Variants in SGPL1 observed in about 807,000 individuals in gnomAD.
SGPL1 encodes the protein SP-lyase 1.
In SGPL1, 37 loss-of-function variants were observed where a neutral mutation model predicts 68.9. That is an observed-to-expected ratio of 0.54 (90% CI 0.41 to 0.71). The LOEUF (loss-of-function observed/expected upper bound fraction) is 0.71. Ranked by LOEUF, SGPL1 falls within the 30% of genes least tolerant of loss-of-function variation. The pLI, the probability that SGPL1 is intolerant of heterozygous loss-of-function variation, is 0.00. For missense variants in SGPL1, 551 were observed against 704.6 expected, an observed-to-expected ratio of 0.78 and a Z score of 2.47; for synonymous variants, 236 against 248.5, an observed-to-expected ratio of 0.95 and a Z score of 0.47.
In SGPL1 at chr10:70,854,858, A is replaced by G. The variant is rs1406734286; in HGVS notation, c.409+3A>G. The G allele has an allele frequency of 4.4e-6, 7 of 1,596,618 alleles. No individual in the cohort carries two copies. Among genetic ancestry groups the G allele is most frequent in the Non-Finnish European group, 6.0e-6 (7 of 1,173,848 alleles). On this transcript the variant is annotated splice_donor_region_variant and intron_variant, in intron 5 of 14. Transcript: ENST00000373202. ...ACTTAAGGAGTACAGCTCTATGGGTATGATGCTTGGCATATACATGCTCTC... is the reference window on the plus strand; with the variant it reads ...ACTTAAGGAGTACAGCTCTATGGGTGTGATGCTTGGCATATACATGCTCTC...
chr10:70,862,264 A>G (rs1846079812), intron 7 of SGPL1, among the ~76,000 whole-genome samples: 1 of 151,996 alleles, frequency 6.6e-6, no homozygotes, highest in Non-Finnish European at 1.5e-5. Flanking sequence ...TGAGTGCACC[A>G]ATCGACACTC....
intron 7 of SGPL1, among the ~76,000 whole-genome samples, chr10:70,860,878 G>A (rs931542034): frequency 6.6e-6 from 1 of 152,170 alleles, no homozygotes; most frequent in African/African-American, 2.4e-5. Context: ...TGAATAAATT[G>A]TGGAATGCTG....
intron 11 of SGPL1, 70 bp downstream of exon 11, chr10:70,872,056 G>A (rs565633566): frequency 1.4e-6 from 2 of 1,461,716 alleles, no homozygotes; most frequent in Non-Finnish European, 1.9e-6. Flanking sequence ...TAAATTGGTA[G>A]CTTCCCCGCA....
At chr10:70,872,363 G>A (rs1371764007) in intron 11 of SGPL1, among the ~76,000 whole-genome samples, 1 of 152,198 alleles carries the variant, frequency 6.6e-6, no homozygotes, top group Non-Finnish European at 1.5e-5. Flanking sequence ...TTCCCATGCT[G>A]GTAGATAACA....
intron 5 of SGPL1, 99 bp from the exon 6 acceptor site, chr10:70,857,515 T>A (rs1222226222): frequency 4.3e-6 from 4 of 937,620 alleles, no homozygotes; most frequent in Non-Finnish European, 5.1e-6. Flanking sequence ...CATTTTTTTC[T>A]TTTGTATCCA....
rs191678105 is a variant in SGPL1 at position 70,866,112 on chromosome 10, C to A, written c.616-2233C>A. Among the ~76,000 whole-genome samples the A allele has an allele frequency of 2.7e-3, 417 of 152,268 alleles. 2 individuals are homozygous for A. Among genetic ancestry groups the A allele is most frequent in the South Asian group, 0.012 (57 of 4,816 alleles). On this transcript the variant is annotated intron_variant, in intron 7 of 14. Transcript: ENST00000373202. Reference sequence around the variant, plus strand: ...ATTAAAAGTAGAACTTAGGCCCAGGCACAGTGACTCACGCCTGTAGTCCCA... The same window carrying A: ...ATTAAAAGTAGAACTTAGGCCCAGGAACAGTGACTCACGCCTGTAGTCCCA...
chr10:70,863,089 G>C (rs1846106967), intron 7 of SGPL1, among the ~76,000 whole-genome samples: 1 of 152,034 alleles, frequency 6.6e-6, no homozygotes, highest in East Asian at 1.9e-4. Flanking sequence ...GGGCTCAAGC[G>C]ACCCTCCCAC....
chr10:70,849,827 T>C (rs1845850454), intron 3 of SGPL1, among the ~76,000 whole-genome samples: 1 of 152,214 alleles, frequency 6.6e-6, no homozygotes, highest in Non-Finnish European at 1.5e-5. Context: ...AAAATTCCTG[T>C]GGTGCATTTG....
chr10:70,817,574 A>G (rs1845258638), intron 2 of SGPL1, among the ~76,000 whole-genome samples: 1 of 152,146 alleles, frequency 6.6e-6, no homozygotes, highest in South Asian at 2.1e-4. Context: ...AGTAGCTAGG[A>G]CTAGGAGCAC....
chr10:70,836,715 A>G (rs187872353), intron 2 of SGPL1, among the ~76,000 whole-genome samples: 2 of 152,150 alleles, frequency 1.3e-5, no homozygotes, highest in East Asian at 3.9e-4. Context: ...AGCTGGGACT[A>G]CAGGAGTGTG....
In SGPL1 at chr10:70,877,902, C is replaced by T. The variant is rs1474940519; in HGVS notation, c.*567C>T. The stretch of plus-strand genomic sequence containing the variant: ...TGATCTCAGCTCACTGCAACCTCCA[C>T]CCACTGGGTTCAAGCGATTCTTCTG... On this transcript the variant is annotated 3_prime_UTR_variant, in exon 15 of 15. Transcript: ENST00000373202. 1 of 151,252 alleles carries T rather than the reference C, an allele frequency of 6.6e-6. No individual in the cohort carries two copies. The highest frequency in any genetic ancestry group is 1.5e-5 in the Non-Finnish European group (1 of 67,964). 9.4% of individuals were successfully genotyped at this position (151,252 alleles called of 1,614,324 possible).
intron 7 of SGPL1, among the ~76,000 whole-genome samples, chr10:70,860,762 T>C (rs1846038986): frequency 6.6e-6 from 1 of 152,166 alleles, no homozygotes; most frequent in Non-Finnish European, 1.5e-5. Context: ...CTAGAAAAAT[T>C]AGTACACATA....
chr10:70,839,269 C>G (rs1427715048), intron 2 of SGPL1, among the ~76,000 whole-genome samples: 1 of 151,210 alleles, frequency 6.6e-6, no homozygotes, highest in South Asian at 2.1e-4. Context: ...AATATTCCTA[C>G]TACTAAGGTT....
chr10:70,819,405 T>A (rs1329717252), intron 2 of SGPL1, among the ~76,000 whole-genome samples: 1 of 152,214 alleles, frequency 6.6e-6, no homozygotes, highest in Non-Finnish European at 1.5e-5. Flanking sequence ...TGTATAATGC[T>A]ATTTGGAACT....
intron 3 of SGPL1, among the ~76,000 whole-genome samples, chr10:70,845,488 C>T (rs770846926): frequency 6.6e-6 from 1 of 152,020 alleles, no homozygotes; most frequent in Non-Finnish European, 1.5e-5. Context: ...CTTTGAGCTT[C>T]CTAGAAGTGA....
At chr10:70,856,892 A>C (rs983165838) in intron 5 of SGPL1, among the ~76,000 whole-genome samples, 1 of 152,212 alleles carries the variant, frequency 6.6e-6, no homozygotes, top group Non-Finnish European at 1.5e-5. Flanking sequence ...GGGAGAGAGG[A>C]AAGTGGAAAG....
intron 1 of SGPL1, among the ~76,000 whole-genome samples, chr10:70,816,546 G>A (rs552810050): frequency 2.4e-3 from 358 of 152,314 alleles, no homozygotes; most frequent in African/African-American, 8.3e-3. Context: ...CAGACGGGGC[G>A]TTTCCCCTAG....
At chr10:70,819,656 G>A (rs930675421) in intron 2 of SGPL1, among the ~76,000 whole-genome samples, 1 of 133,388 alleles carries the variant, frequency 7.5e-6, no homozygotes, top group Non-Finnish European at 1.6e-5. Context: ...TTTGAGACAA[G>A]GTCTCACTCT....
intron 5 of SGPL1, 53 bp downstream of exon 5, chr10:70,854,908 G>C (rs1032920024): frequency 4.1e-6 from 6 of 1,462,782 alleles, no homozygotes; most frequent in East Asian, 2.4e-5. Flanking sequence ...GACAGGTTTT[G>C]TCATTGTTTA....
Sources: gnomAD v4.1 joint callset for allele counts (sites outside exome capture counted in the v4.1 genomes callset) on GRCh38, gnomAD v4.1.1 for gene constraint, MANE v1.5 for transcripts, NCBI Gene and HGNC (gene_info 2026-07-23, HGNC 2026-07-21) for gene names.